PIWIL2: variants seen among roughly 807,000 people sequenced by gnomAD.
PIWIL2 encodes the protein piwi-like protein 2.
A neutral mutation model predicts 116.5 loss-of-function variants in PIWIL2; 81 were observed. The observed-to-expected ratio is 0.70, with a 90% confidence interval of 0.58 to 0.84. The LOEUF (loss-of-function observed/expected upper bound fraction) is 0.84, where lower values mean the gene tolerates loss of function less well. Among genes scored for constraint, PIWIL2 ranks in the 40% least tolerant of loss-of-function variants. PIWIL2 has a pLI of 0.00. For missense variants in PIWIL2, 1,272 were observed against 1,212.3 expected, an observed-to-expected ratio of 1.05 and a Z score of -0.73; for synonymous variants, 489 against 429.5, an observed-to-expected ratio of 1.14 and a Z score of -1.71.
intron 20 of PIWIL2, among the ~76,000 whole-genome samples, chr8:22,337,626 G>A (rs1832009810): frequency 6.6e-6 from 1 of 151,792 alleles, no homozygotes; most frequent in Admixed American, 6.6e-5. Flanking sequence ...AGGTACTTGG[G>A]AGATGAGACA....
intron 1 of PIWIL2, among the ~76,000 whole-genome samples, chr8:22,277,918 C>T (rs1465406701): frequency 6.6e-6 from 1 of 152,168 alleles, no homozygotes; most frequent in Non-Finnish European, 1.5e-5. Context: ...CCTGTAATCC[C>T]AGCACTTTGG....
At chr8:22,341,695 C>T (rs1385236061) in intron 20 of PIWIL2, among the ~76,000 whole-genome samples, 2 of 151,806 alleles carry the variant, frequency 1.3e-5, no homozygotes, top group East Asian at 1.9e-4. Context: ...CTAACATACT[C>T]GTGAAAAACT....
rs138303874 is a variant in PIWIL2 at position 22,335,672 on chromosome 8, C to T, written c.2404-17287C>T. Among the ~76,000 whole-genome samples, 7 of 151,794 alleles carry T rather than the reference C, an allele frequency of 4.6e-5. No individual in the cohort carries two copies. The East Asian group carries it at 7.7e-4, about 17-fold the overall frequency. On this transcript the variant is annotated intron_variant, in intron 20 of 22. Coordinates refer to ENST00000356766, the MANE Select transcript of PIWIL2 (RefSeq NM_018068.5). ...AAGTAATTCTGCTGCCTCGGCCTCCCGAATAGCTGGGATTACAGGTGTACA... is the reference window on the plus strand; with the variant it reads ...AAGTAATTCTGCTGCCTCGGCCTCCTGAATAGCTGGGATTACAGGTGTACA...
At chr8:22,318,934 C>T (rs1831531531) in intron 20 of PIWIL2, among the ~76,000 whole-genome samples, 1 of 152,226 alleles carries the variant, frequency 6.6e-6, no homozygotes, top group Non-Finnish European at 1.5e-5. Flanking sequence ...CTTTTTATAA[C>T]TTATTAGGCG....
chr8:22,293,269 AC>A lies in PIWIL2; in HGVS notation c.1181+2924del, dbSNP rs145791932. ...GGCTGCAATGTGCTATGGTAGTGCT[AC>A]TGTACTCCAGCCTAGGCAAGCAAGT... On this transcript the variant is annotated intron_variant, in intron 10 of 22. Transcript: ENST00000356766. 9.6e-3 allele frequency among the ~76,000 whole-genome samples: 1,463 copies of A among 152,250 alleles called. 22 individuals carry two copies. The highest frequency in any genetic ancestry group is 0.034 in the African/African-American group (1,394 of 41,542).
intron 1 of PIWIL2, among the ~76,000 whole-genome samples, chr8:22,278,449 G>T (rs981971010): frequency 1.1e-4 from 16 of 152,192 alleles, no homozygotes; most frequent in African/African-American, 3.9e-4. Context: ...GAGCCCAGGA[G>T]GTCAAGGCTG....
At chr8:22,331,625 T>C (rs888387231) in intron 20 of PIWIL2, among the ~76,000 whole-genome samples, 12 of 152,196 alleles carry the variant, frequency 7.9e-5, no homozygotes, top group African/African-American at 2.7e-4. Context: ...ACTCAGTACA[T>C]GGGTGTATTA....
In PIWIL2 at chr8:22,276,252, G is replaced by C. The variant is rs553011107; in HGVS notation, c.-47+854G>C. Among the ~76,000 whole-genome samples, 89 of 152,322 alleles carry C rather than the reference G, an allele frequency of 5.8e-4. 1 individual carries two copies. The highest frequency in any genetic ancestry group is 3.4e-3 in the Middle Eastern group (1 of 294). On this transcript the variant is annotated intron_variant, in intron 1 of 22. Coordinates refer to ENST00000356766, the MANE Select transcript of PIWIL2 (RefSeq NM_018068.5). ...CTTACGCTGTGGGTTTATGAATTGT[G>C]TGTTAATATTTTCTTTAAATGTATG...
At chr8:22,300,959 G>T (rs750924906) in intron 10 of PIWIL2, among the ~76,000 whole-genome samples, 1 of 150,406 alleles carries the variant, frequency 6.6e-6, no homozygotes, top group African/African-American at 2.5e-5. Flanking sequence ...CTTCCATTTT[G>T]TAGCTTGTCT....
At chr8:22,343,396 T>C (rs1196962998) in intron 20 of PIWIL2, among the ~76,000 whole-genome samples, 1 of 151,342 alleles carries the variant, frequency 6.6e-6, no homozygotes, top group African/African-American at 2.4e-5. Context: ...GATTGTGCCA[T>C]TGCACTCCAG....
intron 20 of PIWIL2, among the ~76,000 whole-genome samples, chr8:22,343,408 C>T (rs998032843): frequency 9.9e-5 from 15 of 151,512 alleles, no homozygotes; most frequent in African/African-American, 3.7e-4. Flanking sequence ...GCACTCCAGC[C>T]TGGGCAGCAA....
chr8:22,308,051 G>T lies in PIWIL2; in HGVS notation c.1664G>T (p.Arg555Leu). 6.2e-7 allele frequency: 1 copy of T among 1,613,930 alleles called. No individual in the cohort carries two copies. The highest frequency in any genetic ancestry group is 8.5e-7 in the Non-Finnish European group (1 of 1,179,936). The change falls in exon 14 of 23, where the codon CGT becomes CTT. Residue 555 changes from arginine (R) to leucine (L), a missense_variant. Arg to Leu is a moderately radical substitution (Grantham distance 102). Coordinates refer to ENST00000356766, the MANE Select transcript of PIWIL2 (RefSeq NM_018068.5). ...ATNELMRWGLRLQKDVHKIEG... is the reference protein window; with the variant it reads ...ATNELMRWGLLLQKDVHKIEG... ...AATGAACTGATGCGTTGGGGGCTCC[G>T]TCTGCAAAAGGATGTACATAAGGTA... is the stretch of plus-strand genomic sequence containing the variant.
chr8:22,316,475 T>A (rs1586572340), intron 19 of PIWIL2, 142 bp downstream of exon 19: 2 of 523,114 alleles, frequency 3.8e-6, no homozygotes, highest in African/African-American at 2.0e-5. Context: ...TTCATGTGAA[T>A]TTTTTTTTTC....
intron 20 of PIWIL2, among the ~76,000 whole-genome samples, chr8:22,320,120 A>C (rs1831561162): frequency 6.6e-6 from 1 of 151,852 alleles, no homozygotes; most frequent in Non-Finnish European, 1.5e-5. Context: ...GTGACACCAC[A>C]CCTGGCTAAT....
rs765581841 is a variant in PIWIL2, at chr8:22,355,412, T to G, written c.2829T>G (p.Pro943=). 1.2e-6 allele frequency: 2 copies of G among 1,614,168 alleles called. No individual in the cohort carries two copies. Among genetic ancestry groups the G allele is most frequent in the South Asian group, 2.2e-5 (2 of 91,078 alleles). Reference sequence around the variant, plus strand: ...CTGGCACCATCAGAGTTCCAGCTCCTTGCAAGTATGCCCACAAGCTAGCTT... The same window carrying G: ...CTGGCACCATCAGAGTTCCAGCTCCGTGCAAGTATGCCCACAAGCTAGCTT... ...NWPGTIRVPA[P]CKYAHKLAFL... is the part of the protein sequence containing the mutation. The change falls in exon 23 of 23, where the codon CCT becomes CCG. Residue 943 remains proline, a synonymous_variant. Coordinates refer to ENST00000356766, the MANE Select transcript of PIWIL2 (RefSeq NM_018068.5).
rs371813967 is a variant in PIWIL2, at chr8:22,354,679, G to A, written c.2765+301G>A. 3.9e-5 allele frequency among the ~76,000 whole-genome samples: 6 copies of A among 152,148 alleles called. No homozygotes were observed. The East Asian group carries it at 5.8e-4, about 15-fold the overall frequency. ...ACAGCCAGACTTGAGACCCAGTGCC[G>A]TTGAGTTCAGATTATATAAATACTC... On this transcript the variant is annotated intron_variant, in intron 22 of 22. Transcript: ENST00000356766.
At chr8:22,333,963 G>GT (rs1342289686) in intron 20 of PIWIL2, among the ~76,000 whole-genome samples, 5 of 150,804 alleles carry the variant, frequency 3.3e-5, no homozygotes, top group Admixed American at 1.3e-4. Flanking sequence ...TGGGTACAGA[G>GT]TTTTTTTGTG....
chr8:22,281,764 GTGATTTTTTTTTTTTTTTTT>G (rs1371043808), intron 4 of PIWIL2, among the ~76,000 whole-genome samples: 1 of 149,550 alleles, frequency 6.7e-6, no homozygotes, highest in Non-Finnish European at 1.5e-5. Flanking sequence ...CCTGATCATG[GTGATTTTTTTTTTTTTTTTT>G]TTTTTGAGAT....
intron 10 of PIWIL2, among the ~76,000 whole-genome samples, chr8:22,301,398 A>G (rs1831045581): frequency 6.6e-6 from 1 of 151,568 alleles, no homozygotes; most frequent in Non-Finnish European, 1.5e-5. Context: ...TCCTGGGCTG[A>G]TTCTCATGCC....
Sources: allele counts gnomAD v4.1 joint callset (sites outside exome capture counted in the v4.1 genomes callset), GRCh38; gene constraint gnomAD v4.1.1; transcripts MANE v1.5; gene names NCBI Gene and HGNC (gene_info 2026-07-23, HGNC 2026-07-21).